The following LRRC37A2 variants were observed in gnomAD, a reference collection of about 807,000 sequenced individuals.
The protein encoded by LRRC37A2 is leucine rich repeat containing 37 member A2.
In LRRC37A2, 9 loss-of-function variants were observed where a neutral mutation model predicts 68.8. The observed-to-expected ratio is 0.13, with a 90% CI of 0.08 to 0.23. The LOEUF is 0.23. LRRC37A2 is among the 10% of genes least tolerant of loss of function. LRRC37A2 has a pLI of 1.00. For missense variants in LRRC37A2, 168 were observed against 950.4 expected (o/e 0.18, Z 10.82); for synonymous variants, 63 against 367.6 (o/e 0.17, Z 9.48).
the LRRC37A2 span, among the ~76,000 whole-genome samples, chr17:46,734,413 T>C: frequency 6.6e-6 from 1 of 152,168 alleles, no homozygotes; most frequent in African/African-American, 2.4e-5. Context: ...AAAATGATGC[T>C]TGACAGTTTA....
chr17:46,721,871 C>A, the LRRC37A2 span: 38 of 1,585,484 alleles, frequency 2.4e-5, 2 homozygotes, highest in South Asian at 4.0e-4. Context: ...AGGCAGAATT[C>A]TCCTCTGAGC....
chr17:46,721,775 T>C, the LRRC37A2 span: 5 of 1,602,098 alleles, frequency 3.1e-6, no homozygotes, highest in African/African-American at 6.7e-5. Context: ...GACCAAGTCC[T>C]CAAGGAAGGC....
intron 11 of LRRC37A2, 166 bp from the exon 11 acceptor site, chr17:46,553,233 GA>G (rs2056983950): frequency 1.2e-6 from 1 of 818,748 alleles, no homozygotes; most frequent in Non-Finnish European, 1.5e-6. Flanking sequence ...AAGGATGACT[GA>G]ACTATGGAAG....
At chr17:46,965,934 A>G in the LRRC37A2 span, among the ~76,000 whole-genome samples, 4 of 151,694 alleles carry the variant, frequency 2.6e-5, no homozygotes, top group African/African-American at 9.7e-5. Context: ...CCTGGCTGCT[A>G]TGACTTTTCT....
chr17:46,895,975 G>A, the LRRC37A2 span, among the ~76,000 whole-genome samples: 31 of 152,114 alleles, frequency 2.0e-4, no homozygotes, highest in East Asian at 5.8e-3. Flanking sequence ...TTCCATCTGG[G>A]GATTAAGAAA....
chr17:46,992,083 G>T, the LRRC37A2 span, among the ~76,000 whole-genome samples: 1 of 152,122 alleles, frequency 6.6e-6, no homozygotes, highest in Non-Finnish European at 1.5e-5. Context: ...AATGCTGGCT[G>T]GGCATGGTGG....
chr17:46,727,844 G>A, the LRRC37A2 span, among the ~76,000 whole-genome samples: 1 of 152,142 alleles, frequency 6.6e-6, no homozygotes, highest in Admixed American at 6.6e-5. Flanking sequence ...ATCTGTGCAT[G>A]CTTGCTCATT....
the LRRC37A2 span, among the ~76,000 whole-genome samples, chr17:46,836,468 A>G: frequency 6.6e-6 from 1 of 152,128 alleles, no homozygotes; most frequent in Non-Finnish European, 1.5e-5. Flanking sequence ...CACTTTGAAT[A>G]TCTTTGTGTT....
chr17:46,806,120 C>G, the LRRC37A2 span, among the ~76,000 whole-genome samples: 1 of 152,088 alleles, frequency 6.6e-6, no homozygotes, highest in Non-Finnish European at 1.5e-5. Flanking sequence ...GCCACTGGAG[C>G]CGCCCACTTG....
At chr17:46,938,667 C>G in the LRRC37A2 span, 4 of 1,614,038 alleles carry the variant, frequency 2.5e-6, no homozygotes, top group Non-Finnish European at 3.4e-6. Flanking sequence ...TGCGGCTCAT[C>G]GAGAAGCGGG....
chr17:46,771,787 C>T, the LRRC37A2 span, among the ~76,000 whole-genome samples: 4 of 112,946 alleles, frequency 3.5e-5, no homozygotes, highest in East Asian at 1.2e-3. Context: ...CGCGCCGCGC[C>T]GAATGGCCAG....
chr17:46,792,537 CGT>C, the LRRC37A2 span, among the ~76,000 whole-genome samples: 5 of 152,024 alleles, frequency 3.3e-5, no homozygotes, highest in African/African-American at 1.2e-4. Flanking sequence ...GCAATGGTGC[CGT>C]GTTGGTTTAC....
the LRRC37A2 span, among the ~76,000 whole-genome samples, chr17:46,497,702 A>T: frequency 6.7e-6 from 1 of 148,950 alleles, no homozygotes; most frequent in South Asian, 2.1e-4. Context: ...TTGTGTATGT[A>T]TGTAGATGTA....
At chr17:46,928,585 C>A in the LRRC37A2 span, among the ~76,000 whole-genome samples, 1 of 152,096 alleles carries the variant, frequency 6.6e-6, no homozygotes, top group Non-Finnish European at 1.5e-5. Context: ...AGAGTGTTAC[C>A]CAGATCCAGG....
chr17:46,799,158 G>A, the LRRC37A2 span, among the ~76,000 whole-genome samples: 3 of 151,774 alleles, frequency 2.0e-5, no homozygotes, highest in East Asian at 3.9e-4. Flanking sequence ...ATACCAGAAC[G>A]CAAGGTCATG....
At chr17:46,905,930 A>G in the LRRC37A2 span, among the ~76,000 whole-genome samples, 1 of 152,054 alleles carries the variant, frequency 6.6e-6, no homozygotes, top group Admixed American at 6.5e-5. Context: ...CCGCCCAGCA[A>G]TGAGGGAGTG....
At chr17:46,852,046 G>A in the LRRC37A2 span, among the ~76,000 whole-genome samples, 1 of 152,228 alleles carries the variant, frequency 6.6e-6, no homozygotes, top group African/African-American at 2.4e-5. Flanking sequence ...CCGTTCAGGC[G>A]TCAGTCCCGC....
At chr17:46,762,712 A>G in the LRRC37A2 span, 7 of 152,070 alleles carry the variant, frequency 4.6e-5, no homozygotes, top group Admixed American at 3.3e-4. Flanking sequence ...ACTTTTTACA[A>G]AACTTTGGAT....
the LRRC37A2 span, among the ~76,000 whole-genome samples, chr17:46,583,975 T>TTATATATATATATATA: frequency 8.7e-4 from 9 of 10,324 alleles, no homozygotes; most frequent in Admixed American, 9.1e-3. Context: ...CGTATATGTT[T>TTATATATATATATATA]TATATATATA....
Sources: allele counts gnomAD v4.1 joint callset (sites outside exome capture counted in the v4.1 genomes callset), GRCh38; gene constraint gnomAD v4.1.1; transcripts MANE v1.5; gene names NCBI Gene and HGNC (gene_info 2026-07-23, HGNC 2026-07-21).